The following DGKB variants were observed in gnomAD, a reference collection of about 807,000 sequenced individuals.
DGKB encodes diacylglycerol kinase beta.
DGKB carries 67 observed loss-of-function variants against 114.3 expected under a neutral mutation model. The observed-to-expected ratio is 0.59, with a 90% CI of 0.48 to 0.72. DGKB has a LOEUF of 0.72. Ranked by LOEUF, DGKB falls within the 30% of genes least tolerant of loss-of-function variation. The pLI is 0.00. For missense variants in DGKB, 907 were observed against 975.2 expected, an observed-to-expected ratio of 0.93 and a Z score of 0.93; for synonymous variants, 398 against 323.1, an observed-to-expected ratio of 1.23 and a Z score of -2.49.
chr7:14,823,473 AG>A (rs1845227333), intron 2 of DGKB, among the ~76,000 whole-genome samples: 1 of 152,124 alleles, frequency 6.6e-6, no homozygotes, highest in Non-Finnish European at 1.5e-5. Flanking sequence ...AGAGAATTTC[AG>A]ATTTTTTTTG....
chr7:14,459,133 T>C (rs1252032186), intron 21 of DGKB, among the ~76,000 whole-genome samples: 2 of 152,142 alleles, frequency 1.3e-5, no homozygotes, highest in African/African-American at 4.8e-5. Flanking sequence ...AAAGCCGCTG[T>C]AGCCAGACTG....
At chr7:14,969,261 G>A (rs889087932) in intron 1 of DGKB, among the ~76,000 whole-genome samples, 21 of 152,108 alleles carry the variant, frequency 1.4e-4, no homozygotes, top group African/African-American at 5.1e-4. Flanking sequence ...ACACAAATAT[G>A]CCTGGGTGAT....
Position 14,283,390 on chromosome 7 carries a change from C to T in DGKB, c.2122+55125G>A, listed in dbSNP as rs548959720. Among the ~76,000 whole-genome samples the T allele has an allele frequency of 9.2e-5, 14 of 151,586 alleles. No homozygotes were observed. In the East Asian group the frequency reaches 2.7e-3, roughly 29 times the overall value. On this transcript the variant is annotated intron_variant, in intron 23 of 25. Transcript: ENST00000402815. Reference sequence around the variant, plus strand: ...GATACACACAAATGGAAGAACATTCCATGCTCATGGGTAGGAAGAATCAAT... The same window carrying T: ...GATACACACAAATGGAAGAACATTCTATGCTCATGGGTAGGAAGAATCAAT...
chr7:14,278,673 T>C (rs57360595), intron 23 of DGKB, among the ~76,000 whole-genome samples: 18,487 of 151,488 alleles, frequency 0.12, 3,229 homozygotes, highest in African/African-American at 0.39. Context: ...GCATGGGAAA[T>C]GAAATAACAG....
chr7:14,374,533 C>A (rs2128662565), intron 21 of DGKB, among the ~76,000 whole-genome samples: 1 of 152,256 alleles, frequency 6.6e-6, no homozygotes, highest in East Asian at 1.9e-4. Flanking sequence ...TCACCACCAG[C>A]CCCCGCACAC....
intron 1 of DGKB, among the ~76,000 whole-genome samples, chr7:14,919,094 AAAC>A (rs1784390783): frequency 9.9e-5 from 13 of 131,458 alleles, no homozygotes; most frequent in South Asian, 2.8e-4. Context: ...ACACACACAC[AAAC>A]ACACACACAC....
intron 5 of DGKB, among the ~76,000 whole-genome samples, chr7:14,723,167 G>A (rs1829483349): frequency 6.6e-6 from 1 of 152,038 alleles, no homozygotes; most frequent in Non-Finnish European, 1.5e-5. Flanking sequence ...AAGCTTAGGA[G>A]ACAACATGTA....
chr7:14,515,292 G>T (rs920933735), intron 20 of DGKB, among the ~76,000 whole-genome samples: 2 of 152,070 alleles, frequency 1.3e-5, no homozygotes, highest in Non-Finnish European at 1.5e-5. Flanking sequence ...CTGAGGAAAT[G>T]GATTATGGCA....
At chr7:14,560,554 C>T (rs1386781243) in intron 20 of DGKB, among the ~76,000 whole-genome samples, 5 of 152,142 alleles carry the variant, frequency 3.3e-5, no homozygotes, top group African/African-American at 1.2e-4. Flanking sequence ...TTTTAAAAAA[C>T]TGAATAACAT....
chr7:14,273,098 A>G (rs1386897353), intron 23 of DGKB, among the ~76,000 whole-genome samples: 1 of 152,158 alleles, frequency 6.6e-6, no homozygotes, highest in Non-Finnish European at 1.5e-5. Context: ...TAATTCCAGC[A>G]CTTTGGGAGG....
intron 6 of DGKB, among the ~76,000 whole-genome samples, chr7:14,716,203 G>A (rs974344978): frequency 9.2e-5 from 14 of 152,124 alleles, no homozygotes; most frequent in African/African-American, 3.1e-4. Flanking sequence ...AATTGCATAA[G>A]CCAGTGCTTC....
chr7:14,472,906 C>T (rs2128893354), intron 21 of DGKB, among the ~76,000 whole-genome samples: 1 of 152,190 alleles, frequency 6.6e-6, no homozygotes, highest in South Asian at 2.1e-4. Context: ...AACAGCAAAC[C>T]ATTCAAGAGG....
chr7:14,682,462 A>T, intron 12 of DGKB, 91 bp downstream of exon 12: 1 of 821,440 alleles, frequency 1.2e-6, no homozygotes. Context: ...CAGTTTCAGG[A>T]AGCCCTTCTA....
intron 20 of DGKB, among the ~76,000 whole-genome samples, chr7:14,512,536 A>C (rs1310777051): frequency 1.3e-5 from 2 of 152,116 alleles, no homozygotes; most frequent in Admixed American, 6.6e-5. Context: ...TCTTCCTGAC[A>C]ACTCAGTCTT....
At chr7:14,796,873 T>C (rs977109761) in intron 2 of DGKB, among the ~76,000 whole-genome samples, 5 of 152,142 alleles carry the variant, frequency 3.3e-5, no homozygotes, top group South Asian at 2.1e-4. Flanking sequence ...TCATTAATCA[T>C]CCACCTTATA....
chr7:14,310,244 G>A (rs1025007996), intron 23 of DGKB, among the ~76,000 whole-genome samples: 3 of 152,248 alleles, frequency 2.0e-5, no homozygotes, highest in African/African-American at 7.2e-5. Context: ...CATCAGTATT[G>A]TTGAGAAGCT....
chr7:14,864,177 T>C (rs1374419222), intron 1 of DGKB, among the ~76,000 whole-genome samples: 4 of 152,142 alleles, frequency 2.6e-5, no homozygotes, highest in African/African-American at 7.2e-5. Context: ...ATTGTATTTG[T>C]TATTTTATAA....
At chr7:14,923,275 T>C (rs1036748801) in intron 1 of DGKB, among the ~76,000 whole-genome samples, 2 of 152,326 alleles carry the variant, frequency 1.3e-5, no homozygotes, top group African/African-American at 4.8e-5. Flanking sequence ...TTATAAAAAG[T>C]TCTCAGGTGT....
chr7:14,810,901 G>A (rs551165941), intron 2 of DGKB, among the ~76,000 whole-genome samples: 3 of 152,216 alleles, frequency 2.0e-5, no homozygotes, highest in South Asian at 4.1e-4. Flanking sequence ...GAGTCACGGC[G>A]CCCGGCCTAC....
Sources: gnomAD v4.1 joint callset for allele counts (sites outside exome capture counted in the v4.1 genomes callset) on GRCh38, gnomAD v4.1.1 for gene constraint, MANE v1.5 for transcripts, NCBI Gene and HGNC (gene_info 2026-07-23, HGNC 2026-07-21) for gene names.